Variants in STYXL1 observed in about 807,000 individuals in gnomAD.
STYXL1 encodes the protein serine/threonine/tyrosine interacting like 1.
In STYXL1, 32 loss-of-function variants were observed where a neutral mutation model predicts 36.4. The ratio of observed to expected loss-of-function variants is 0.88; its 90% CI spans 0.66 to 1.18. The LOEUF (loss-of-function observed/expected upper bound fraction) is 1.18. STYXL1 is among the 50% of genes most tolerant of loss of function. The probability of loss-of-function intolerance (pLI) is 0.00; values close to 1 mark genes in which losing one functional copy is unlikely to be tolerated. For synonymous variants in STYXL1, 133 were observed against 144.1 expected (o/e 0.92, Z 0.55); for missense variants, 354 against 394.1 (o/e 0.90, Z 0.86).
In STYXL1 at chr7:76,035,899, T is replaced by C. The variant is rs1011743533; in HGVS notation, c.-4-5372A>G. On this transcript the variant is annotated intron_variant, in intron 1 of 8. Coordinates refer to ENST00000359697, the MANE Select transcript of STYXL1 (RefSeq NM_001317785.2). ...GATCCTTCTCCTTCTCAAAGCACTC[T>C]ACCTGGTCAAGCAGGAACTGCCCCT... 2.0e-5 allele frequency among the ~76,000 whole-genome samples: 3 copies of C among 149,722 alleles called. No individual in the cohort carries two copies. In the Admixed American group the frequency reaches 2.0e-4, roughly 10 times the overall value.
intron 1 of STYXL1, among the ~76,000 whole-genome samples, chr7:76,042,982 G>A (rs782626881): frequency 1.3e-5 from 2 of 152,090 alleles, no homozygotes; most frequent in Non-Finnish European, 2.9e-5. Flanking sequence ...TGAGGCTGGC[G>A]AGCTGTTGGC....
chr7:76,022,941 A>G (rs1297444449), intron 3 of STYXL1, among the ~76,000 whole-genome samples: 3 of 152,088 alleles, frequency 2.0e-5, no homozygotes, highest in Admixed American at 2.0e-4. Flanking sequence ...AAACAAAAAT[A>G]AAACAAAAAC....
At chr7:76,007,352 G>A (rs1791912324) in intron 5 of STYXL1, among the ~76,000 whole-genome samples, 2 of 152,092 alleles carry the variant, frequency 1.3e-5, no homozygotes, top group Admixed American at 1.3e-4. Flanking sequence ...CTTGATCCTG[G>A]GACGTGGAGG....
chr7:76,029,208 A>G (rs1795059121), intron 2 of STYXL1, among the ~76,000 whole-genome samples: 1 of 152,076 alleles, frequency 6.6e-6, no homozygotes, highest in Non-Finnish European at 1.5e-5. Context: ...GTGCAGTGGC[A>G]TGATCTCGGC....
chr7:76,032,609 G>C (rs1795494949), intron 1 of STYXL1, among the ~76,000 whole-genome samples: 1 of 152,132 alleles, frequency 6.6e-6, no homozygotes, highest in South Asian at 2.1e-4. Flanking sequence ...GGCTGAGGCA[G>C]GAGAATTTCT....
At chr7:76,018,924 T>C (rs1554574961) in intron 4 of STYXL1, among the ~76,000 whole-genome samples, 1 of 152,230 alleles carries the variant, frequency 6.6e-6, no homozygotes, top group East Asian at 1.9e-4. Context: ...GACTGCACCA[T>C]TTTACTTTCT....
At chr7:76,022,751 G>A (rs1465882443) in intron 3 of STYXL1, among the ~76,000 whole-genome samples, 1 of 151,910 alleles carries the variant, frequency 6.6e-6, no homozygotes, top group Non-Finnish European at 1.5e-5. Flanking sequence ...GTGAGCAGAA[G>A]GAATGAGATA....
chr7:76,046,380 CTT>C (rs1372119980), intron 1 of STYXL1, among the ~76,000 whole-genome samples: 1 of 148,796 alleles, frequency 6.7e-6, no homozygotes, highest in Non-Finnish European at 1.5e-5. Context: ...GAGTTTAGCT[CTT>C]ATCACCCAGG....
At chr7:76,015,947 T>C (rs138318390) in intron 4 of STYXL1, among the ~76,000 whole-genome samples, 1 of 152,266 alleles carries the variant, frequency 6.6e-6, no homozygotes, top group East Asian at 1.9e-4. Flanking sequence ...ATGCTTCCTG[T>C]CCTCAAACAT....
At chr7:76,043,220 C>A (rs1554582600) in intron 1 of STYXL1, among the ~76,000 whole-genome samples, 1 of 152,156 alleles carries the variant, frequency 6.6e-6, no homozygotes. Flanking sequence ...CGGCTCACTG[C>A]AACCTCTGCC....
intron 6 of STYXL1, 92 bp downstream of exon 6, chr7:76,005,167 T>G (rs1791504151): frequency 1.2e-6 from 1 of 821,534 alleles, no homozygotes; most frequent in Non-Finnish European, 1.5e-6. Context: ...TAAAGTGTAA[T>G]AATAATAAAA....
chr7:76,002,897 C>G (rs1362642526), intron 7 of STYXL1, among the ~76,000 whole-genome samples: 1 of 151,934 alleles, frequency 6.6e-6, no homozygotes, highest in Non-Finnish European at 1.5e-5. Context: ...ACACTCCAGC[C>G]TGGGTGAACA....
At position 76,013,890 on chromosome 7, in the gene STYXL1, G is replaced by T; in HGVS notation, c.308-3C>A. The T allele has an allele frequency of 6.2e-7, 1 of 1,607,288 alleles. No homozygotes were observed. Among genetic ancestry groups the T allele is most frequent in the South Asian group, 1.1e-5 (1 of 90,136 alleles). On this transcript the variant is annotated splice_polypyrimidine_tract_variant and splice_region_variant and intron_variant, in intron 4 of 8. Coordinates refer to ENST00000359697, the MANE Select transcript of STYXL1 (RefSeq NM_001317785.2). ...AATGGCTGCTTGAGGCACAAGATCT[G>T]AGAGTGGAGACCAAAGACATGAATG...
intron 1 of STYXL1, among the ~76,000 whole-genome samples, chr7:76,041,506 G>C (rs1796475124): frequency 6.6e-6 from 1 of 152,160 alleles, no homozygotes; most frequent in Non-Finnish European, 1.5e-5. Flanking sequence ...GTCTTCTCCA[G>C]GGAATGGACT....
At chr7:76,043,515 G>A (rs1017353174) in intron 1 of STYXL1, among the ~76,000 whole-genome samples, 31 of 152,014 alleles carry the variant, frequency 2.0e-4, no homozygotes, top group Admixed American at 1.9e-3. Flanking sequence ...TGTGGTGGAG[G>A]ATTCCAGAAG....
chr7:76,000,186 T>G (rs1481294429), intron 8 of STYXL1, among the ~76,000 whole-genome samples: 4 of 124,808 alleles, frequency 3.2e-5, no homozygotes, highest in African/African-American at 9.8e-5. Flanking sequence ...ACCACTGCAC[T>G]CCAGCCTGGG....
At chr7:76,015,377 G>A (rs1466475749) in intron 4 of STYXL1, among the ~76,000 whole-genome samples, 1 of 152,176 alleles carries the variant, frequency 6.6e-6, no homozygotes, top group African/African-American at 2.4e-5. Flanking sequence ...ACTCAAGATA[G>A]ATTAAAGACT....
intron 1 of STYXL1, among the ~76,000 whole-genome samples, chr7:76,037,921 A>G (rs1554581090): frequency 1.3e-5 from 2 of 150,250 alleles, no homozygotes; most frequent in Non-Finnish European, 3.0e-5. Context: ...AGGCTTAAAC[A>G]TAGTGACAGG....
At chr7:76,017,674 C>A (rs1442654208) in intron 4 of STYXL1, among the ~76,000 whole-genome samples, 1 of 151,134 alleles carries the variant, frequency 6.6e-6, no homozygotes, top group African/African-American at 2.4e-5. Flanking sequence ...TCATCTGAGG[C>A]CAGGAGTTTG....
Sources: gnomAD v4.1 joint callset for allele counts (sites outside exome capture counted in the v4.1 genomes callset) on GRCh38, gnomAD v4.1.1 for gene constraint, MANE v1.5 for transcripts, NCBI Gene and HGNC (gene_info 2026-07-23, HGNC 2026-07-21) for gene names.